The following LRBA variants were observed in gnomAD, a reference collection of about 807,000 sequenced individuals.
The protein encoded by LRBA is LPS responsive beige-like anchor protein, also known as lipopolysaccharide-responsive and beige-like anchor protein.
A neutral mutation model predicts 330.0 loss-of-function variants in LRBA; 176 were observed. That is an observed-to-expected ratio of 0.53 (90% confidence interval 0.47 to 0.60). The LOEUF (loss-of-function observed/expected upper bound fraction) is 0.60. LRBA is among the 20% of genes least tolerant of loss of function. The pLI is 0.00. For missense variants in LRBA, 3,259 were observed against 3,444.8 expected (o/e 0.95, Z 1.35); for synonymous variants, 1,230 against 1,193.0 (o/e 1.03, Z -0.64).
chr4:150,791,902 G>A (rs888787911), intron 34 of LRBA, among the ~76,000 whole-genome samples: 7 of 151,636 alleles, frequency 4.6e-5, no homozygotes, highest in Middle Eastern at 3.4e-3. Flanking sequence ...GGTGGTGGGC[G>A]CCTGTAGTCC....
intron 36 of LRBA, among the ~76,000 whole-genome samples, chr4:150,724,925 C>G (rs907323837): frequency 6.7e-6 from 1 of 149,030 alleles, no homozygotes; most frequent in African/African-American, 2.5e-5. Flanking sequence ...CACACACATA[C>G]ATATAGCAGA....
chr4:150,266,139 C>T (rs1303485466), intron 56 of LRBA, among the ~76,000 whole-genome samples: 1 of 151,954 alleles, frequency 6.6e-6, no homozygotes, highest in African/African-American at 2.4e-5. Flanking sequence ...TAAAGGGGGA[C>T]TGGGCTGGCA....
chr4:150,631,682 G>T (rs1277337366), intron 37 of LRBA, among the ~76,000 whole-genome samples: 4 of 152,144 alleles, frequency 2.6e-5, no homozygotes, highest in African/African-American at 7.2e-5. Context: ...ACAGGTGAGG[G>T]ATATGAAAGA....
intron 44 of LRBA, among the ~76,000 whole-genome samples, chr4:150,441,189 G>C (rs1751789799): frequency 6.6e-6 from 1 of 151,988 alleles, no homozygotes; most frequent in African/African-American, 2.4e-5. Flanking sequence ...AAGTAAGCCT[G>C]ATGAAATTAA....
chr4:150,460,364 G>T (rs1378631002), intron 44 of LRBA, among the ~76,000 whole-genome samples: 1 of 151,772 alleles, frequency 6.6e-6, no homozygotes, highest in Non-Finnish European at 1.5e-5. Flanking sequence ...GCGAGAAACA[G>T]AAACATATAC....
intron 28 of LRBA, among the ~76,000 whole-genome samples, chr4:150,837,752 C>T (rs1748372821): frequency 6.6e-6 from 1 of 152,140 alleles, no homozygotes; most frequent in Non-Finnish European, 1.5e-5. Flanking sequence ...CCCAATTTGC[C>T]AGTCTGTGTC....
At chr4:150,484,699 T>C (rs1757668290) in intron 42 of LRBA, among the ~76,000 whole-genome samples, 1 of 151,754 alleles carries the variant, frequency 6.6e-6, no homozygotes, top group Non-Finnish European at 1.5e-5. Context: ...ATTCTTCAGA[T>C]TGAAGCTAAG....
chr4:150,807,435 A>G (rs1742959951), intron 32 of LRBA, among the ~76,000 whole-genome samples: 1 of 152,182 alleles, frequency 6.6e-6, no homozygotes, highest in South Asian at 2.1e-4. Flanking sequence ...TGTAGTGTCT[A>G]ATGGATTTCC....
rs1321133451 is a variant in LRBA at position 150,817,199 on chromosome 4, T to C, written c.5230A>G (p.Ile1744Val). The C allele has an allele frequency of 7.4e-6, 12 of 1,612,258 alleles. No homozygotes were observed. The highest frequency in any genetic ancestry group is 1.1e-5 in the South Asian group (1 of 91,042). ...AVSPSTFNTSIPTNAVSVVSS... is the reference protein window; with the variant it reads ...AVSPSTFNTSVPTNAVSVVSS... ...ACCACACTGACAGCATTGGTAGGTA[T>C]GCTTGTATTAAAGGTGGAAGGTGAG... The change falls in exon 31 of 57, where the codon ATA (isoleucine) becomes GTA (valine). Residue 1744 changes from isoleucine to valine, a missense_variant. Transcript: ENST00000651943.
At position 150,820,489 on chromosome 4, in the gene LRBA, C is replaced by T. The variant is rs556816138; in HGVS notation, c.5172-3232G>A. On this transcript the variant is annotated intron_variant, in intron 30 of 56. Transcript: ENST00000651943. Reference sequence around the variant, plus strand: ...TCTAACATATAAAATTATTTATATACTACCATAAAATCACAAAAATACATC... The same window carrying T: ...TCTAACATATAAAATTATTTATATATTACCATAAAATCACAAAAATACATC... 3.9e-4 allele frequency among the ~76,000 whole-genome samples: 59 copies of T among 152,032 alleles called. 1 individual carries two copies. In the South Asian group the frequency reaches 0.011, roughly 29 times the overall value.
At chr4:150,667,037 G>A (rs924739219) in intron 37 of LRBA, among the ~76,000 whole-genome samples, 2 of 152,040 alleles carry the variant, frequency 1.3e-5, no homozygotes, top group South Asian at 2.1e-4. Context: ...CCAGTGTCAC[G>A]TATCTGTTAA....
chr4:150,519,021 C>A (rs1041322500), intron 40 of LRBA, among the ~76,000 whole-genome samples: 4 of 151,994 alleles, frequency 2.6e-5, no homozygotes, highest in Admixed American at 6.6e-5. Flanking sequence ...CAAATATAGT[C>A]CTTTCCTAGA....
intron 38 of LRBA, among the ~76,000 whole-genome samples, chr4:150,592,909 C>T (rs2126474740): frequency 6.6e-6 from 1 of 152,240 alleles, no homozygotes; most frequent in Middle Eastern, 3.4e-3. Context: ...GCTGGGATTA[C>T]AGGCGTAAGT....
intron 40 of LRBA, among the ~76,000 whole-genome samples, chr4:150,505,694 T>A (rs1264262906): frequency 6.6e-6 from 1 of 151,998 alleles, no homozygotes; most frequent in Non-Finnish European, 1.5e-5. Context: ...AGCAAACACA[T>A]TCAAAAGCTA....
chr4:150,885,165 AATACAGTGT>A (rs1728809332), intron 17 of LRBA, among the ~76,000 whole-genome samples: 1 of 151,264 alleles, frequency 6.6e-6, no homozygotes, highest in Admixed American at 6.6e-5. Flanking sequence ...ACTGTAGGAC[AATACAGTGT>A]TCCAACATAG....
rs769704241 is a variant in LRBA at position 150,928,886 on chromosome 4, G to A, written c.396C>T (p.Gly132=). The change falls in exon 3 of 57, where the codon GGC becomes GGT. Residue 132 remains glycine, a synonymous_variant. Coordinates refer to ENST00000651943, the MANE Select transcript of LRBA (RefSeq NM_001364905.1). ...IRNLQVCTEV[G]LVEKVLGKIE... is the part of the protein sequence containing the mutation. Reference sequence around the variant, plus strand: ...TTTTCCCAAGCACTTTTTCAACAAGGCCTACTTCAGTGCAGACTTGAAGAT... The same window carrying A: ...TTTTCCCAAGCACTTTTTCAACAAGACCTACTTCAGTGCAGACTTGAAGAT... The A allele has an allele frequency of 3.7e-6, 6 of 1,613,494 alleles. No homozygotes were observed. In the East Asian group the frequency reaches 6.7e-5, roughly 18 times the overall value.
intron 48 of LRBA, among the ~76,000 whole-genome samples, chr4:150,337,510 GA>G (rs991166925): frequency 6.6e-6 from 1 of 152,130 alleles, no homozygotes; most frequent in African/African-American, 2.4e-5. Context: ...TGAAGTAAAA[GA>G]AAGTCTGGCA....
intron 2 of LRBA, among the ~76,000 whole-genome samples, chr4:151,010,609 G>A (rs1395622180): frequency 2.0e-5 from 3 of 152,098 alleles, no homozygotes; most frequent in Admixed American, 2.0e-4. Context: ...GGCCAGGCAC[G>A]GTGGCTCACA....
intron 2 of LRBA, among the ~76,000 whole-genome samples, chr4:151,011,959 C>T (rs1398500941): frequency 6.6e-6 from 1 of 152,136 alleles, no homozygotes; most frequent in Non-Finnish European, 1.5e-5. Context: ...GCATGAGCCA[C>T]TGTGCGCAGC....
Sources: gnomAD v4.1 joint callset for allele counts (sites outside exome capture counted in the v4.1 genomes callset) on GRCh38, gnomAD v4.1.1 for gene constraint, MANE v1.5 for transcripts, NCBI Gene and HGNC (gene_info 2026-07-23, HGNC 2026-07-21) for gene names.